The following MGAT4C variants were observed in gnomAD, a reference collection of about 807,000 sequenced individuals.
MGAT4C encodes MGAT4 family member C.
In MGAT4C, 19 loss-of-function variants were observed where a neutral mutation model predicts 40.1. The observed-to-expected ratio is 0.47, with a 90% CI of 0.33 to 0.70. The LOEUF (loss-of-function observed/expected upper bound fraction) is 0.70. MGAT4C is among the 30% of genes least tolerant of loss of function. MGAT4C has a pLI of 0.02. For synonymous variants in MGAT4C, 181 were observed against 187.1 expected (o/e 0.97, Z 0.27); for missense variants, 491 against 563.2 (o/e 0.87, Z 1.30).
chr12:86,400,187 C>G (rs1221358669), intron 3 of MGAT4C, among the ~76,000 whole-genome samples: 1 of 152,138 alleles, frequency 6.6e-6, no homozygotes, highest in Non-Finnish European at 1.5e-5. Flanking sequence ...TCACAGAAGT[C>G]TTCTATATTT....
At chr12:86,266,512 T>C (rs1447195408) in intron 4 of MGAT4C, among the ~76,000 whole-genome samples, 1 of 152,192 alleles carries the variant, frequency 6.6e-6, no homozygotes, top group Non-Finnish European at 1.5e-5. Flanking sequence ...GTATTATCTT[T>C]TTGATATGCT....
intron 2 of MGAT4C, among the ~76,000 whole-genome samples, chr12:86,680,895 A>C (rs1351315039): frequency 6.6e-6 from 1 of 151,976 alleles, no homozygotes; most frequent in African/African-American, 2.4e-5. Flanking sequence ...AATAATCAGG[A>C]ACAAACAAAA....
At chr12:86,580,678 T>C (rs1386675880) in intron 2 of MGAT4C, among the ~76,000 whole-genome samples, 1 of 151,462 alleles carries the variant, frequency 6.6e-6, no homozygotes, top group Admixed American at 6.6e-5. Context: ...CATCTTTTAA[T>C]GTAAAATGTT....
chr12:86,241,740 C>T (rs1951798017), intron 1 of MGAT4C, among the ~76,000 whole-genome samples: 2 of 152,174 alleles, frequency 1.3e-5, no homozygotes, highest in South Asian at 4.1e-4. Context: ...TGGGAAAGCA[C>T]TTTATAAAGT....
At chr12:86,817,180 TACAAC>T (rs1952623310) in intron 1 of MGAT4C, among the ~76,000 whole-genome samples, 2 of 151,254 alleles carry the variant, frequency 1.3e-5, no homozygotes, top group Non-Finnish European at 3.0e-5. Flanking sequence ...ACTTTATTCA[TACAAC>T]ACAATTGTTG....
At chr12:86,771,621 A>C (rs995183305) in intron 1 of MGAT4C, among the ~76,000 whole-genome samples, 2 of 151,884 alleles carry the variant, frequency 1.3e-5, no homozygotes, top group Non-Finnish European at 2.9e-5. Context: ...CCAAGGTGGG[A>C]GGATTACTTG....
At chr12:86,703,510 C>T (rs2063088667) in intron 2 of MGAT4C, among the ~76,000 whole-genome samples, 1 of 151,816 alleles carries the variant, frequency 6.6e-6, no homozygotes, top group Non-Finnish European at 1.5e-5. Context: ...CTTCCACCAA[C>T]AAAAAAAATT....
chr12:86,273,711 C>A (rs1198899212), intron 4 of MGAT4C, among the ~76,000 whole-genome samples: 1 of 152,064 alleles, frequency 6.6e-6, no homozygotes, highest in Non-Finnish European at 1.5e-5. Context: ...CCCCAGTAAT[C>A]TACAAAACTT....
intron 2 of MGAT4C, among the ~76,000 whole-genome samples, chr12:86,471,228 T>C (rs1957753904): frequency 6.6e-6 from 1 of 151,960 alleles, no homozygotes; most frequent in Non-Finnish European, 1.5e-5. Context: ...TAAAAGATAA[T>C]TTTTCTACTT....
At chr12:86,630,218 C>T (rs1379188719) in intron 2 of MGAT4C, among the ~76,000 whole-genome samples, 1 of 152,134 alleles carries the variant, frequency 6.6e-6, no homozygotes, top group East Asian at 1.9e-4. Context: ...AGTTGACCCC[C>T]TGAATAGGCC....
Position 86,420,888 on chromosome 12 carries a change from T to C in MGAT4C, c.-120+14269A>G. Among the ~76,000 whole-genome samples, 4 of 150,758 alleles carry C rather than the reference T, an allele frequency of 2.7e-5. No homozygotes were observed. The East Asian group carries it at 7.8e-4, about 29-fold the overall frequency. ...GTATATATATACATACATGTATATGTGTATATATACATACGTGTATATGTG... is the reference window on the plus strand; with the variant it reads ...GTATATATATACATACATGTATATGCGTATATATACATACGTGTATATGTG... On this transcript the variant is annotated intron_variant, in intron 3 of 7. Coordinates refer to the MGAT4C transcript ENST00000548651.
chr12:86,315,330 G>T (rs1332748208), intron 4 of MGAT4C, among the ~76,000 whole-genome samples: 1 of 152,066 alleles, frequency 6.6e-6, no homozygotes, highest in African/African-American at 2.4e-5. Flanking sequence ...AATGAAACTG[G>T]ACACATACCT....
chr12:86,242,596 C>T (rs532124177), intron 1 of MGAT4C, among the ~76,000 whole-genome samples: 5 of 151,878 alleles, frequency 3.3e-5, no homozygotes, highest in African/African-American at 7.3e-5. Flanking sequence ...GAGCCTTTAC[C>T]GATTTTATGA....
intron 4 of MGAT4C, among the ~76,000 whole-genome samples, chr12:86,295,624 TTC>T (rs1243898275): frequency 6.6e-6 from 1 of 152,138 alleles, no homozygotes; most frequent in Non-Finnish European, 1.5e-5. Flanking sequence ...CCTGCTTTTA[TTC>T]TCTTATCTGG....
chr12:86,015,440 A>C (rs1054913812), intron 2 of MGAT4C, among the ~76,000 whole-genome samples: 1 of 152,092 alleles, frequency 6.6e-6, no homozygotes, highest in Non-Finnish European at 1.5e-5. Context: ...GTGAGTGAGC[A>C]TCTCCCATCT....
chr12:85,997,574 T>C (rs1386020546), intron 2 of MGAT4C, among the ~76,000 whole-genome samples: 1 of 152,108 alleles, frequency 6.6e-6, no homozygotes, highest in Non-Finnish European at 1.5e-5. Flanking sequence ...ATTGGGTAAA[T>C]ACAGCCATTA....
At chr12:86,044,108 G>A (rs986824354) in intron 2 of MGAT4C, among the ~76,000 whole-genome samples, 1 of 152,156 alleles carries the variant, frequency 6.6e-6, no homozygotes, top group African/African-American at 2.4e-5. Flanking sequence ...GGTTTCAGTT[G>A]ACTGGATTTC....
chr12:86,761,253 G>A (rs191441451), intron 1 of MGAT4C, among the ~76,000 whole-genome samples: 1 of 152,264 alleles, frequency 6.6e-6, no homozygotes, highest in East Asian at 1.9e-4. Flanking sequence ...TAAGCTAAGG[G>A]TTTTGGGAGG....
chr12:86,467,779 GATA>G (rs1329901500), intron 2 of MGAT4C, among the ~76,000 whole-genome samples: 1 of 151,988 alleles, frequency 6.6e-6, no homozygotes, highest in Non-Finnish European at 1.5e-5. Context: ...ACTCTCTTTA[GATA>G]ATGTTTCCAG....
Sources: gnomAD v4.1 joint callset for allele counts (sites outside exome capture counted in the v4.1 genomes callset) on GRCh38, gnomAD v4.1.1 for gene constraint, MANE v1.5 for transcripts, NCBI Gene and HGNC (gene_info 2026-07-23, HGNC 2026-07-21) for gene names.